The following THBS2 variants were observed in gnomAD, a reference collection of about 807,000 sequenced individuals.
THBS2 encodes thrombospondin-2.
Under a neutral mutation model 135.2 loss-of-function variants are expected in THBS2, and 47 were observed. The observed-to-expected ratio is 0.35, with a 90% confidence interval of 0.28 to 0.44. The LOEUF is 0.44. Ranked by LOEUF, THBS2 falls within the 20% of genes least tolerant of loss-of-function variation. The probability of loss-of-function intolerance (pLI) is 1.00; values close to 1 mark genes in which losing one functional copy is unlikely to be tolerated. For missense variants in THBS2, 1,288 were observed against 1,603.1 expected (o/e 0.80, Z 3.36); for synonymous variants, 639 against 633.8 (o/e 1.01, Z -0.12).
chr6:169,223,368 T>C lies in THBS2; in HGVS notation c.2881A>G (p.Asn961Asp). The C allele has an allele frequency of 6.2e-7, 1 of 1,614,164 alleles. No homozygotes were observed. Among genetic ancestry groups the C allele is most frequent in the Non-Finnish European group, 8.5e-7 (1 of 1,180,026 alleles). Reference sequence around the variant, plus strand: ...GGATCCAAGGGGACCATCTGGAAGTTCCTGAAGTCTGTCTCACTGATGGCA... The same window carrying C: ...GGATCCAAGGGGACCATCTGGAAGTCCCTGAAGTCTGTCTCACTGATGGCA... ...NNAISETDFR[N>D]FQMVPLDPKG... The change falls in exon 18 of 22, where the codon AAC becomes GAC. Residue 961 changes from asparagine (N) to aspartate (D), a missense_variant. By Grantham distance (23) the Asn-to-Asp change is conservative (BLOSUM62 1). Coordinates refer to ENST00000617924, the MANE Select transcript of THBS2 (RefSeq NM_003247.5).
chr6:169,226,035 C>T lies in THBS2; in HGVS notation c.2538+145G>A, dbSNP rs544166485. On this transcript the variant is annotated intron_variant, in intron 16 of 21. Transcript: ENST00000617924. ...GCCCCATGGAGGGGACTGATGAGGA[C>T]CTGAGACCCGCCTGCCCATGGCTGC... is the stretch of plus-strand genomic sequence containing the variant. The T allele has an allele frequency of 2.7e-4, 216 of 797,056 alleles. No homozygotes were observed. In the African/African-American group the frequency reaches 3.5e-3, roughly 13 times the overall value. The allele number at this position is 797,056 out of a possible 1,614,324, so 49.4% of individuals were successfully genotyped here. A position where few individuals can be genotyped will look rare whatever the true frequency, so the allele number is the denominator to read the frequency against.
At chr6:169,247,202 C>A (rs1780579801) in intron 3 of THBS2, among the ~76,000 whole-genome samples, 1 of 152,204 alleles carries the variant, frequency 6.6e-6, no homozygotes, top group African/African-American at 2.4e-5. Flanking sequence ...ACACCTGGGG[C>A]AGCCCTCTCT....
intron 13 of THBS2, among the ~76,000 whole-genome samples, chr6:169,230,395 C>T (rs970955043): frequency 1.3e-5 from 2 of 152,306 alleles, no homozygotes; most frequent in African/African-American, 4.8e-5. Context: ...GCACATCACT[C>T]GTTGAATCAG....
chr6:169,228,393 A>G, intron 14 of THBS2, 112 bp from the exon 15 acceptor site: 1 of 1,353,338 alleles, frequency 7.4e-7, no homozygotes, highest in Non-Finnish European at 1.0e-6. Flanking sequence ...TATAGAAATC[A>G]AACAAACACA....
In THBS2 at chr6:169,218,850, AGATG is replaced by A. The variant is rs1429842722; in HGVS notation, c.3512-1025_3512-1022del. Among the ~76,000 whole-genome samples, 32 of 130,706 alleles carry A rather than the reference AGATG, an allele frequency of 2.4e-4. No individual in the cohort carries two copies. The East Asian group carries it at 5.7e-3, about 23-fold the overall frequency. The allele number at this position is 130,706 out of a possible 152,430, so 85.7% of individuals were successfully genotyped here. On this transcript the variant is annotated intron_variant, in intron 21 of 21. Transcript: ENST00000617924. The stretch of plus-strand genomic sequence containing the variant: ...GCTGAGATGGATGGATGGATGGATA[AGATG>A]GATGGATAAGTGCTGGGTGGATGGA...
Position 169,231,876 on chromosome 6 carries a change from A to AAAT in THBS2, c.2151+101_2151+103dup, listed in dbSNP as rs144146818. On this transcript the variant is annotated intron_variant, in intron 13 of 21. Transcript: ENST00000617924. ...AAGAGGCCTGAGAGACCCTCCTTCCAAATTCCCTGTGCTGCCCCCGCCCCC... is the reference window on the plus strand; with the variant it reads ...AAGAGGCCTGAGAGACCCTCCTTCCAAATAATTCCCTGTGCTGCCCCCGCCCCC... 8,566 of 1,352,384 alleles carry AAAT rather than the reference A, an allele frequency of 6.3e-3. 402 individuals carry two copies. The African/African-American group carries it at 0.1, about 16-fold the overall frequency. The allele number at this position is 1,352,384 out of a possible 1,614,324, so 83.8% of individuals were successfully genotyped here.
chr6:169,220,138 C>A (rs563412424), intron 21 of THBS2, 60 bp downstream of exon 21: 5 of 1,583,884 alleles, frequency 3.2e-6, no homozygotes, highest in Non-Finnish European at 4.3e-6. Context: ...GCACTGTGTA[C>A]CCCTTTCCCT....
chr6:169,220,578 C>T (rs1426033677), intron 20 of THBS2, among the ~76,000 whole-genome samples: 3 of 152,230 alleles, frequency 2.0e-5, no homozygotes, highest in African/African-American at 4.8e-5. Context: ...TGTGAGTTCA[C>T]TTACAGTCAC....
chr6:169,224,335 C>T (rs1305588885), intron 17 of THBS2, among the ~76,000 whole-genome samples: 1 of 152,198 alleles, frequency 6.6e-6, no homozygotes, highest in Non-Finnish European at 1.5e-5. Context: ...GCATGGGGAG[C>T]AAGCCCCTGC....
intron 14 of THBS2, 100 bp downstream of exon 14, chr6:169,229,472 G>A: frequency 1.1e-6 from 1 of 875,304 alleles, no homozygotes; most frequent in Non-Finnish European, 1.9e-6. Context: ...GCAGGACAAT[G>A]GCAGTTACGT....
At chr6:169,250,600 G>T in intron 2 of THBS2, 133 bp downstream of exon 2, 2 of 653,864 alleles carry the variant, frequency 3.1e-6, no homozygotes, top group South Asian at 5.7e-5. Flanking sequence ...GTTACTATTT[G>T]ATTTATAAAG....
At chr6:169,225,481 C>T in intron 16 of THBS2, 102 bp from the exon 17 acceptor site, 5 of 1,211,074 alleles carry the variant, frequency 4.1e-6, no homozygotes, top group Non-Finnish European at 5.8e-6. Context: ...CCTCGTCCTG[C>T]AGCACAAGCC....
Position 169,241,764 on chromosome 6 carries a change from C to T in THBS2, c.889G>A (p.Val297Met). The T allele has an allele frequency of 1.9e-6, 3 of 1,602,426 alleles. No homozygotes were observed. Among genetic ancestry groups the T allele is most frequent in the Non-Finnish European group, 2.6e-6 (3 of 1,171,656 alleles). The change falls in exon 5 of 22, where the codon GTG becomes ATG. Residue 297 changes from valine to methionine, a missense_variant and splice_region_variant. Physicochemically the swap from Val to Met is conservative, Grantham distance 21. Coordinates refer to ENST00000617924, the MANE Select transcript of THBS2 (RefSeq NM_003247.5). This position sits in a 1 kb window ranked among gnomAD's most constrained non-coding sequence, Gnocchi z 5.5. ...VNQLSENLKR[V>M]SNDNQFLWEL... ...GCGGCCCCTGCGTGAGTACCCACCA[C>T]TCTCTTGAGGTTCTCGCTGAGCTGG... is the stretch of plus-strand genomic sequence containing the variant.
intron 3 of THBS2, among the ~76,000 whole-genome samples, chr6:169,246,874 C>T (rs9505955): frequency 0.08 from 12,174 of 152,278 alleles, 665 homozygotes; most frequent in South Asian, 0.14. Flanking sequence ...TTCCAAGGCC[C>T]TACACGTCCG....
chr6:169,222,608 A>G, intron 18 of THBS2, 140 bp from the exon 19 acceptor site: 1 of 915,036 alleles, frequency 1.1e-6, no homozygotes. Flanking sequence ...TGGTCTGACC[A>G]ATATGGTGAA....
intron 17 of THBS2, among the ~76,000 whole-genome samples, chr6:169,224,376 G>A (rs936818182): frequency 1.3e-5 from 2 of 152,210 alleles, no homozygotes; most frequent in South Asian, 4.1e-4. Flanking sequence ...GATGAGGCTT[G>A]CTGTGCTCAC....
At chr6:169,235,245 C>T (rs1276832068) in intron 9 of THBS2, among the ~76,000 whole-genome samples, 2 of 151,940 alleles carry the variant, frequency 1.3e-5, no homozygotes, top group Admixed American at 6.6e-5. Flanking sequence ...TGCTCTCAAA[C>T]TCCTGGCCTC....
Position 169,241,965 on chromosome 6 carries a change from G to T in THBS2, c.695-7C>A. ...CTGATGGCGTTGATCTCAGCTGAGG[G>T]CAAGCGTAGAAGGGCCGTGAGCATC... On this transcript the variant is annotated splice_region_variant and splice_polypyrimidine_tract_variant and intron_variant, in intron 4 of 21. Transcript: ENST00000617924. This position sits in a 1 kb window ranked among gnomAD's most constrained non-coding sequence, Gnocchi z 5.5. 1 of 1,602,448 alleles carries T rather than the reference G, an allele frequency of 6.2e-7. No homozygotes were observed.
In THBS2 at chr6:169,226,110, C is replaced by T. The variant is rs1428533619; in HGVS notation, c.2538+70G>A. On this transcript the variant is annotated intron_variant, in intron 16 of 21. Transcript: ENST00000617924. Reference sequence around the variant, plus strand: ...CAGGGGCAGTTGTCACAGTGATCCCCCACACCGCCACCGTCCCCGCGTCCC... The same window carrying T: ...CAGGGGCAGTTGTCACAGTGATCCCTCACACCGCCACCGTCCCCGCGTCCC... The T allele has an allele frequency of 4.0e-6, 6 of 1,486,496 alleles. No individual in the cohort carries two copies. The African/African-American group carries it at 5.6e-5, about 14-fold the overall frequency. The allele number at this position is 1,486,496 out of a possible 1,614,324, so 92.1% of individuals were successfully genotyped here. A position where few individuals can be genotyped will look rare whatever the true frequency, so the allele number is the denominator to read the frequency against.
Sources: gnomAD v4.1 joint callset for allele counts (sites outside exome capture counted in the v4.1 genomes callset) on GRCh38, gnomAD v4.1.1 for gene constraint, Gnocchi (gnomAD v3.1) non-coding constraint, MANE v1.5 for transcripts, NCBI Gene and HGNC (gene_info 2026-07-23, HGNC 2026-07-21) for gene names.